The following HECW2 variants were observed in gnomAD, a reference collection of about 807,000 sequenced individuals.
The protein encoded by HECW2 is E3 ubiquitin-protein ligase HECW2.
HECW2 carries 61 observed loss-of-function variants against 175.2 expected under a neutral mutation model. The ratio of observed to expected loss-of-function variants is 0.35; its 90% confidence interval spans 0.28 to 0.43. The LOEUF is 0.43. Ranked by LOEUF, HECW2 falls within the 20% of genes least tolerant of loss-of-function variation. The pLI is 1.00. For synonymous variants in HECW2, 671 were observed against 731.0 expected, an observed-to-expected ratio of 0.92 and a Z score of 1.32; for missense variants, 1,524 against 2,000.5, an observed-to-expected ratio of 0.76 and a Z score of 4.54.
chr2:196,422,362 G>T (rs1004289515), intron 2 of HECW2, among the ~76,000 whole-genome samples: 1 of 152,120 alleles, frequency 6.6e-6, no homozygotes, highest in Non-Finnish European at 1.5e-5. Context: ...GCTCTGAGCC[G>T]AAGTGAAATG....
intron 14 of HECW2, among the ~76,000 whole-genome samples, chr2:196,283,770 A>T (rs1038137277): frequency 1.3e-5 from 2 of 152,338 alleles, no homozygotes; most frequent in Non-Finnish European, 2.9e-5. Context: ...AAGTTTCCAC[A>T]CTGCAGAGGA....
At chr2:196,231,449 T>A (rs1343573701) in intron 21 of HECW2, among the ~76,000 whole-genome samples, 1 of 152,212 alleles carries the variant, frequency 6.6e-6, no homozygotes, top group Non-Finnish European at 1.5e-5. Context: ...GAGTAGCGGT[T>A]GGCAAACCTG....
chr2:196,332,368 A>G (rs2168369), intron 4 of HECW2, among the ~76,000 whole-genome samples: 111,599 of 152,074 alleles, frequency 0.73, 42,599 homozygotes, highest in East Asian at 0.97. Context: ...TGAGGTGCCC[A>G]TGAGGTACAG....
At chr2:196,297,152 T>C (rs973933647) in intron 13 of HECW2, among the ~76,000 whole-genome samples, 1 of 152,198 alleles carries the variant, frequency 6.6e-6, no homozygotes, top group East Asian at 1.9e-4. Flanking sequence ...TAATTGTTAA[T>C]AGTAGACAAA....
intron 10 of HECW2, among the ~76,000 whole-genome samples, chr2:196,309,274 G>A (rs1691390299): frequency 6.6e-6 from 1 of 152,184 alleles, no homozygotes; most frequent in Non-Finnish European, 1.5e-5. Flanking sequence ...GACATCTTTT[G>A]TTGATCTCAG....
chr2:196,384,577 G>C (rs1290610945), intron 2 of HECW2, among the ~76,000 whole-genome samples: 1 of 151,814 alleles, frequency 6.6e-6, no homozygotes, highest in East Asian at 1.9e-4. Flanking sequence ...GCAAGACCCT[G>C]TCTCCAAAAA....
At chr2:196,324,918 A>G (rs921928006) in intron 6 of HECW2, 62 bp downstream of exon 6, 1 of 1,375,994 alleles carries the variant, frequency 7.3e-7, no homozygotes. Context: ...AGTCTCAAGG[A>G]AAGAGAGAGA....
rs537567828 is a variant in HECW2, at chr2:196,445,796, C to T, written c.-35-12338G>A. ...ATGCATTTTAGGCCATACTAGAGTA[C>T]GACTAAAAAATATGGCGTGCATTCT... On this transcript the variant is annotated intron_variant, in intron 1 of 28. Transcript: ENST00000644978. Among the ~76,000 whole-genome samples, 39 of 152,162 alleles carry T rather than the reference C, an allele frequency of 2.6e-4. 1 individual carries two copies. In the Middle Eastern group the frequency reaches 0.01, roughly 40 times the overall value.
chr2:196,198,885 T>G lies in HECW2; in HGVS notation c.*2392A>C, dbSNP rs1686770498. ...AGTACATCTTTGATAATTCCCAATC[T>G]GAGAACAGTATCAACTAGATGATTA... On this transcript the variant is annotated 3_prime_UTR_variant, in exon 29 of 29. Coordinates refer to ENST00000644978, the MANE Select transcript of HECW2 (RefSeq NM_001348768.2). The G allele has an allele frequency of 6.6e-6, 1 of 152,160 alleles. No individual in the cohort carries two copies. Among genetic ancestry groups the G allele is most frequent in the South Asian group, 2.1e-4 (1 of 4,832 alleles). The allele number at this position is 152,160 out of a possible 1,614,324, so 9.4% of individuals were successfully genotyped here.
At chr2:196,560,672 A>C (rs1056794928) in intron 1 of HECW2, among the ~76,000 whole-genome samples, 24 of 152,212 alleles carry the variant, frequency 1.6e-4, no homozygotes, top group Non-Finnish European at 1.6e-4. Context: ...GACTCTGCAG[A>C]CATTTCCTTG....
At chr2:196,349,023 T>C (rs1478596521) in intron 2 of HECW2, among the ~76,000 whole-genome samples, 1 of 152,238 alleles carries the variant, frequency 6.6e-6, no homozygotes, top group African/African-American at 2.4e-5. Context: ...TGCCTACTTC[T>C]TGCCTTCTTG....
intron 21 of HECW2, among the ~76,000 whole-genome samples, chr2:196,230,272 C>T (rs916302641): frequency 4.6e-5 from 7 of 152,220 alleles, no homozygotes; most frequent in Non-Finnish European, 1.0e-4. Flanking sequence ...GGCTTCCTCC[C>T]GCTGACCTAC....
chr2:196,432,251 C>T (rs564652494), intron 2 of HECW2, among the ~76,000 whole-genome samples: 62 of 151,690 alleles, frequency 4.1e-4, no homozygotes, highest in Non-Finnish European at 4.4e-4. Context: ...AAAAAAAGGG[C>T]GGCGGGGTGA....
chr2:196,536,686 T>G (rs2125459608), intron 1 of HECW2, among the ~76,000 whole-genome samples: 1 of 152,220 alleles, frequency 6.6e-6, no homozygotes, highest in Non-Finnish European at 1.5e-5. Flanking sequence ...ACACAGCAAA[T>G]AATCTTCAGG....
intron 2 of HECW2, among the ~76,000 whole-genome samples, chr2:196,359,400 G>A (rs1034138218): frequency 3.3e-5 from 5 of 152,050 alleles, no homozygotes; most frequent in African/African-American, 9.7e-5. Context: ...GTGAGCCGAG[G>A]TGGTGCCACT....
chr2:196,499,626 A>G (rs1338955858), intron 1 of HECW2, among the ~76,000 whole-genome samples: 1 of 152,198 alleles, frequency 6.6e-6, no homozygotes, highest in Non-Finnish European at 1.5e-5. Flanking sequence ...GCCTTCTTAA[A>G]GGCAAACTTA....
chr2:196,570,560 G>A (rs773705021), intron 1 of HECW2, among the ~76,000 whole-genome samples: 2 of 152,154 alleles, frequency 1.3e-5, no homozygotes, highest in Non-Finnish European at 1.5e-5. Context: ...CATGGGGTAG[G>A]GGGTAGGGGG....
chr2:196,278,133 A>AAAAAAAAAAAAAATATATATATAT (rs531920307), intron 15 of HECW2, among the ~76,000 whole-genome samples: 1 of 66,552 alleles, frequency 1.5e-5, no homozygotes, highest in African/African-American at 4.1e-5. Context: ...ATAATTAAAA[A>AAAAAAAAAAAAAATATATATATAT]ATATATATAT....
At chr2:196,338,789 C>T (rs758404059) in intron 3 of HECW2, among the ~76,000 whole-genome samples, 18 of 152,216 alleles carry the variant, frequency 1.2e-4, no homozygotes, top group Non-Finnish European at 2.4e-4. Flanking sequence ...CTTAAAGAAT[C>T]AAGCTAATCG....
Sources: gnomAD v4.1 joint callset for allele counts (sites outside exome capture counted in the v4.1 genomes callset) on GRCh38, gnomAD v4.1.1 for gene constraint, MANE v1.5 for transcripts, NCBI Gene and HGNC (gene_info 2026-07-23, HGNC 2026-07-21) for gene names.